NSUN3: variants seen among roughly 807,000 people sequenced by gnomAD.
NSUN3 encodes the protein tRNA (cytosine(34)-C(5))-methyltransferase, mitochondrial.
In NSUN3, 24 loss-of-function variants were observed where a neutral mutation model predicts 36.8. That is an observed-to-expected ratio of 0.65 (90% confidence interval 0.47 to 0.92). The LOEUF is 0.92. Among genes scored for constraint, NSUN3 ranks in the 40% least tolerant of loss-of-function variants. The probability of loss-of-function intolerance (pLI) is 0.00; values close to 1 mark genes in which losing one functional copy is unlikely to be tolerated. For missense variants in NSUN3, 381 were observed against 392.8 expected, an observed-to-expected ratio of 0.97 and a Z score of 0.25; for synonymous variants, 146 against 145.2, an observed-to-expected ratio of 1.01 and a Z score of -0.04.
At chr3:94,103,879 GT>G (rs1375204332) in intron 5 of NSUN3, among the ~76,000 whole-genome samples, 2 of 152,196 alleles carry the variant, frequency 1.3e-5, no homozygotes, top group Non-Finnish European at 2.9e-5. Flanking sequence ...CAGCTGGCCT[GT>G]GATCCATTTC....
At chr3:94,107,209 G>A (rs1331469431) in intron 5 of NSUN3, among the ~76,000 whole-genome samples, 2 of 152,116 alleles carry the variant, frequency 1.3e-5, no homozygotes, top group Non-Finnish European at 2.9e-5. Flanking sequence ...GGGATTACGG[G>A]CATGAATCAC....
rs370124220 is a variant in NSUN3, at chr3:94,130,021, TG to T, written c.*3534del. Among the ~76,000 whole-genome samples, 5 of 152,188 alleles carry T rather than the reference TG, an allele frequency of 3.3e-5. No homozygotes were observed. The highest frequency in any genetic ancestry group is 1.2e-4 in the African/African-American group (5 of 41,444). ...CACCTGCCTCAGCCTCCCAAAGTGC[TG>T]GGATTACAGGCGTGAGCCACCACAC... On this transcript the variant is annotated 3_prime_UTR_variant, in exon 6 of 6. Coordinates refer to ENST00000314622, the MANE Select transcript of NSUN3 (RefSeq NM_022072.5).
chr3:94,089,625 C>T (rs1446717802), intron 3 of NSUN3, among the ~76,000 whole-genome samples: 1 of 152,108 alleles, frequency 6.6e-6, no homozygotes, highest in African/African-American at 2.4e-5. Flanking sequence ...AAGGAGGGCA[C>T]TGTGCATGTG....
intron 2 of NSUN3, among the ~76,000 whole-genome samples, chr3:94,083,882 G>A (rs1012999360): frequency 4.6e-5 from 7 of 151,962 alleles, no homozygotes; most frequent in Admixed American, 6.6e-5. Context: ...CACAGTGAAC[G>A]AAATACCAGT....
chr3:94,115,433 G>T (rs1025075625), intron 5 of NSUN3, among the ~76,000 whole-genome samples: 4 of 152,154 alleles, frequency 2.6e-5, no homozygotes, highest in African/African-American at 9.7e-5. Flanking sequence ...GAAGGGACAT[G>T]AATAAAGATG....
At chr3:94,092,188 C>G (rs1461604842) in intron 3 of NSUN3, among the ~76,000 whole-genome samples, 1 of 152,100 alleles carries the variant, frequency 6.6e-6, no homozygotes, top group Admixed American at 6.5e-5. Context: ...GAGAAAGAGA[C>G]AAAAAGCAGC....
At chr3:94,123,931 C>G (rs915587266) in intron 5 of NSUN3, among the ~76,000 whole-genome samples, 2 of 151,958 alleles carry the variant, frequency 1.3e-5, no homozygotes, top group African/African-American at 4.8e-5. Context: ...TCATAGTTAT[C>G]TATCACTAAA....
In NSUN3 at chr3:94,080,703, TGA is replaced by T. The variant is rs574345240; in HGVS notation, c.123-3402_123-3401del. On this transcript the variant is annotated intron_variant, in intron 2 of 5. Transcript: ENST00000314622. ...CTTCCTGATGGCTTTGTTTACACTGTGAGGGTAAAACCACCTACTCAAGCCTC... is the reference window on the plus strand; with the variant it reads ...CTTCCTGATGGCTTTGTTTACACTGTGGGTAAAACCACCTACTCAAGCCTC... Among the ~76,000 whole-genome samples, 64 of 152,338 alleles carry T rather than the reference TGA, an allele frequency of 4.2e-4. 1 individual carries two copies. Among genetic ancestry groups the T allele is most frequent in the Admixed American group, 2.2e-3 (34 of 15,306 alleles).
At chr3:94,117,357 A>T (rs1245702042) in intron 5 of NSUN3, among the ~76,000 whole-genome samples, 5 of 152,084 alleles carry the variant, frequency 3.3e-5, no homozygotes, top group Non-Finnish European at 1.5e-5. Flanking sequence ...TTCACGACAG[A>T]GTATGAGATA....
chr3:94,070,405 G>A (rs1280806569), intron 2 of NSUN3, among the ~76,000 whole-genome samples: 1 of 152,144 alleles, frequency 6.6e-6, no homozygotes, highest in Admixed American at 6.5e-5. Context: ...AGGCTTCACT[G>A]AGCCATGATC....
intron 5 of NSUN3, among the ~76,000 whole-genome samples, chr3:94,113,206 A>T (rs1306029284): frequency 6.6e-6 from 1 of 152,162 alleles, no homozygotes; most frequent in Non-Finnish European, 1.5e-5. Flanking sequence ...AGTTTGAAAG[A>T]TTTTACAATA....
At chr3:94,118,467 G>T (rs2077449172) in intron 5 of NSUN3, among the ~76,000 whole-genome samples, 1 of 152,038 alleles carries the variant, frequency 6.6e-6, no homozygotes, top group African/African-American at 2.4e-5. Context: ...AGAATTCAAT[G>T]ATGAATAATA....
chr3:94,116,441 T>C (rs188074655), intron 5 of NSUN3, among the ~76,000 whole-genome samples: 1 of 152,280 alleles, frequency 6.6e-6, no homozygotes, highest in East Asian at 1.9e-4. Context: ...AGAGAAGGAA[T>C]CCTTGGTGTA....
intron 3 of NSUN3, among the ~76,000 whole-genome samples, chr3:94,086,009 T>C (rs1001652125): frequency 6.6e-6 from 1 of 151,376 alleles, no homozygotes; most frequent in Admixed American, 6.6e-5. Context: ...AGTGGCGTGA[T>C]ATCAGCTCAC....
chr3:94,096,038 C>T (rs1213498892), intron 5 of NSUN3, among the ~76,000 whole-genome samples: 2 of 151,158 alleles, frequency 1.3e-5, no homozygotes, highest in Non-Finnish European at 2.9e-5. Flanking sequence ...GGATTACAGG[C>T]GTGAGCCACC....
At chr3:94,068,221 A>G (rs1305109831) in intron 2 of NSUN3, among the ~76,000 whole-genome samples, 1 of 152,154 alleles carries the variant, frequency 6.6e-6, no homozygotes, top group African/African-American at 2.4e-5. Context: ...ATGTGAATGG[A>G]ATGTTGTTTG....
chr3:94,100,972 ATT>A (rs536075398), intron 5 of NSUN3, among the ~76,000 whole-genome samples: 1 of 150,260 alleles, frequency 6.7e-6, no homozygotes, highest in Non-Finnish European at 1.5e-5. Context: ...TTTTATGTTA[ATT>A]TTTTTTTTAT....
At position 94,093,241 on chromosome 3, in the gene NSUN3, G is replaced by GA. The variant is rs770733847; in HGVS notation, c.467-888dup. On this transcript the variant is annotated intron_variant, in intron 3 of 5. Transcript: ENST00000314622. ...CTTTTTAACAGTGGAATGACAATCA[G>GA]AAAAAAAAAAATATGTAACTGGGCA... 3.2e-3 allele frequency among the ~76,000 whole-genome samples: 456 copies of GA among 142,996 alleles called. 2 individuals carry two copies. Among genetic ancestry groups the GA allele is most frequent in the South Asian group, 0.016 (75 of 4,604 alleles). 93.8% of individuals were successfully genotyped at this position (142,996 alleles called of 152,430 possible). A position where few individuals can be genotyped will look rare whatever the true frequency, so the allele number is the denominator to read the frequency against.
At chr3:94,124,129 CTATTTTAT>C (rs2077475150) in intron 5 of NSUN3, among the ~76,000 whole-genome samples, 1 of 128,698 alleles carries the variant, frequency 7.8e-6, no homozygotes, top group African/African-American at 2.8e-5. Context: ...AGTTTATTTT[CTATTTTAT>C]TATTTTATTT....
Sources: allele counts gnomAD v4.1 joint callset (sites outside exome capture counted in the v4.1 genomes callset), GRCh38; gene constraint gnomAD v4.1.1; transcripts MANE v1.5; gene names NCBI Gene and HGNC (gene_info 2026-07-23, HGNC 2026-07-21).